DNAJC6: variants seen among roughly 807,000 people sequenced by gnomAD.
DNAJC6 encodes auxilin.
DNAJC6 carries 34 observed loss-of-function variants against 110.0 expected under a neutral mutation model. The observed-to-expected ratio is 0.31, with a 90% CI of 0.24 to 0.41. DNAJC6 has a LOEUF of 0.41. Ranked by LOEUF, DNAJC6 falls within the 10% of genes least tolerant of loss-of-function variation. The probability of loss-of-function intolerance (pLI) is 1.00; values close to 1 mark genes in which losing one functional copy is unlikely to be tolerated. For synonymous variants in DNAJC6, 406 were observed against 437.2 expected, an observed-to-expected ratio of 0.93 and a Z score of 0.89; for missense variants, 1,031 against 1,207.8, an observed-to-expected ratio of 0.85 and a Z score of 2.17.
intron 1 of DNAJC6, among the ~76,000 whole-genome samples, chr1:65,333,622 T>A (rs1421908458): frequency 6.6e-6 from 1 of 152,174 alleles, no homozygotes; most frequent in Non-Finnish European, 1.5e-5. Context: ...ATGATAGCTT[T>A]AAAACCTTAA....
At chr1:65,300,036 T>TC (rs1170273081) in intron 1 of DNAJC6, among the ~76,000 whole-genome samples, 1 of 92,980 alleles carries the variant, frequency 1.1e-5, no homozygotes, top group Non-Finnish European at 2.0e-5. Context: ...GTGTGAAAAC[T>TC]CCATCTCAAA....
At chr1:65,358,426 T>G (rs1230348382) in intron 1 of DNAJC6, among the ~76,000 whole-genome samples, 1 of 152,200 alleles carries the variant, frequency 6.6e-6, no homozygotes, top group East Asian at 1.9e-4. Context: ...TGCTTCAGTT[T>G]CCTTGTGTAT....
chr1:65,366,669 A>T (rs7541003), intron 4 of DNAJC6, among the ~76,000 whole-genome samples: 37,627 of 152,028 alleles, frequency 0.25, 8,068 homozygotes, highest in East Asian at 0.59. Context: ...TGAACTAGAG[A>T]GAGAAATATT....
intron 17 of DNAJC6, among the ~76,000 whole-genome samples, chr1:65,409,431 G>A (rs1446734094): frequency 6.6e-6 from 1 of 152,086 alleles, no homozygotes; most frequent in Non-Finnish European, 1.5e-5. Context: ...GATTTCTTTT[G>A]TTTGCCTGTT....
intron 1 of DNAJC6, 111 bp from the exon 2 acceptor site, chr1:65,364,524 C>T: frequency 8.1e-7 from 1 of 1,239,774 alleles, no homozygotes; most frequent in Non-Finnish European, 1.1e-6. Flanking sequence ...ATATCTGTCC[C>T]AGACTCTTAA....
At chr1:65,266,152 G>T (rs1016000006) in intron 1 of DNAJC6, among the ~76,000 whole-genome samples, 1 of 152,228 alleles carries the variant, frequency 6.6e-6, no homozygotes, top group African/African-American at 2.4e-5. Context: ...AAAGCTCTCT[G>T]CGCGCAGCGC....
chr1:65,376,897 G>T (rs1209065829), intron 4 of DNAJC6, among the ~76,000 whole-genome samples: 1 of 152,182 alleles, frequency 6.6e-6, no homozygotes. Flanking sequence ...AGCCTCCTGA[G>T]TAGCTGGGAT....
In DNAJC6 at chr1:65,309,762, G is replaced by A; in HGVS notation, c.17G>A (p.Ser6Asn). 2 of 1,547,218 alleles carry A rather than the reference G, an allele frequency of 1.3e-6. No individual in the cohort carries two copies. Among genetic ancestry groups the A allele is most frequent in the African/African-American group, 1.4e-5 (1 of 72,340 alleles). Residue 6 changes from serine (S) to asparagine (N), a missense_variant, in exon 1 of 19, where the codon AGC becomes AAC. Coordinates refer to ENST00000371069, the MANE Select transcript of DNAJC6 (RefSeq NM_001256864.2). MSLLGSYRKKTSNDGY... is the reference protein window; with the variant it reads MSLLGNYRKKTSNDGY... ...GGCTTGCCCATGAGCCTCCTCGGGAGCTACCGGAAAAAGACCAGCAACGAT... is the reference window on the plus strand; with the variant it reads ...GGCTTGCCCATGAGCCTCCTCGGGAACTACCGGAAAAAGACCAGCAACGAT...
intron 1 of DNAJC6, among the ~76,000 whole-genome samples, chr1:65,336,654 G>T (rs1349994202): frequency 6.6e-6 from 1 of 152,084 alleles, no homozygotes; most frequent in African/African-American, 2.4e-5. Flanking sequence ...ATTTGAATAT[G>T]CCTCTAACAT....
exon 1 of DNAJC6, chr1:65,264,751 C>A (rs1653257507): frequency 3.5e-6 from 5 of 1,446,064 alleles, no homozygotes; most frequent in East Asian, 5.2e-5. Context: ...AAAATTATAA[C>A]CCCGCACACC....
intron 1 of DNAJC6, among the ~76,000 whole-genome samples, chr1:65,313,271 G>A (rs1269227252): frequency 6.6e-6 from 1 of 150,690 alleles, no homozygotes; most frequent in Admixed American, 6.6e-5. Context: ...ATGTTGCCCA[G>A]GCTGGTCTCA....
intron 1 of DNAJC6, among the ~76,000 whole-genome samples, chr1:65,320,087 A>G (rs1296520987): frequency 1.3e-5 from 2 of 152,162 alleles, no homozygotes; most frequent in East Asian, 3.9e-4. Context: ...TCACTTTCCA[A>G]TTTAGGCAAT....
At chr1:65,401,533 G>A (rs923853830) in intron 14 of DNAJC6, among the ~76,000 whole-genome samples, 2 of 152,180 alleles carry the variant, frequency 1.3e-5, no homozygotes, top group African/African-American at 4.8e-5. Flanking sequence ...GGAAATAATA[G>A]TTCACACTTG....
chr1:65,356,294 A>C (rs988195181), intron 1 of DNAJC6, among the ~76,000 whole-genome samples: 1 of 152,152 alleles, frequency 6.6e-6, no homozygotes, highest in Non-Finnish European at 1.5e-5. Context: ...AAATTCTGAC[A>C]GGCATGGTGG....
At chr1:65,357,467 G>A (rs887691571) in intron 1 of DNAJC6, among the ~76,000 whole-genome samples, 2 of 152,194 alleles carry the variant, frequency 1.3e-5, no homozygotes, top group African/African-American at 4.8e-5. Context: ...AACTGCAGTT[G>A]GTGCCAAGTG....
intron 4 of DNAJC6, among the ~76,000 whole-genome samples, chr1:65,374,296 T>G (rs576971304): frequency 6.6e-6 from 1 of 150,904 alleles, no homozygotes; most frequent in Non-Finnish European, 1.5e-5. Context: ...ATTTTAGGGG[T>G]TTTTTTTTAT....
intron 1 of DNAJC6, among the ~76,000 whole-genome samples, chr1:65,314,515 A>C (rs1054303508): frequency 3.3e-5 from 5 of 151,912 alleles, no homozygotes; most frequent in Non-Finnish European, 7.4e-5. Flanking sequence ...TTTGAGACGG[A>C]GTCTCACTCT....
intron 1 of DNAJC6, among the ~76,000 whole-genome samples, chr1:65,289,952 GGC>G (rs1220706530): frequency 6.6e-6 from 1 of 151,826 alleles, no homozygotes; most frequent in African/African-American, 2.4e-5. Context: ...TGGGATTATA[GGC>G]GCCCACTGCC....
intron 1 of DNAJC6, among the ~76,000 whole-genome samples, chr1:65,312,437 T>C (rs1645109981): frequency 6.6e-6 from 1 of 152,214 alleles, no homozygotes; most frequent in Non-Finnish European, 1.5e-5. Flanking sequence ...GCAGTGTAAA[T>C]ATATCCATTT....
Sources: gnomAD v4.1 joint callset for allele counts (sites outside exome capture counted in the v4.1 genomes callset) on GRCh38, gnomAD v4.1.1 for gene constraint, MANE v1.5 for transcripts, NCBI Gene and HGNC (gene_info 2026-07-23, HGNC 2026-07-21) for gene names.